Variants in MAP4 observed in about 807,000 individuals in gnomAD.
The protein encoded by MAP4 is microtubule associated protein 4, also known as microtubule-associated protein 4.
MAP4 carries 76 observed loss-of-function variants against 170.2 expected under a neutral mutation model. That is an observed-to-expected ratio of 0.45 (90% confidence interval 0.37 to 0.54). The LOEUF (loss-of-function observed/expected upper bound fraction) is 0.54, where lower values mean the gene tolerates loss of function less well. Among genes scored for constraint, MAP4 ranks in the 20% least tolerant of loss-of-function variants. The pLI, the probability that MAP4 is intolerant of heterozygous loss-of-function variation, is 0.00. For synonymous variants in MAP4, 909 were observed against 994.5 expected, an observed-to-expected ratio of 0.91 and a Z score of 1.62; for missense variants, 2,506 against 2,748.0, an observed-to-expected ratio of 0.91 and a Z score of 1.97.
At chr3:48,001,494 G>A (rs1221402521) in intron 1 of MAP4, among the ~76,000 whole-genome samples, 1 of 152,014 alleles carries the variant, frequency 6.6e-6, no homozygotes, top group Non-Finnish European at 1.5e-5. Context: ...TCAAATTCTA[G>A]GTAGTACCAT....
intron 10 of MAP4, among the ~76,000 whole-genome samples, chr3:47,894,857 C>A (rs2153164799): frequency 6.6e-6 from 1 of 152,040 alleles, no homozygotes; most frequent in East Asian, 1.9e-4. Flanking sequence ...AAAACCCTGT[C>A]TCTACAAAGA....
chr3:47,968,184 C>T (rs1288369017), intron 3 of MAP4, among the ~76,000 whole-genome samples: 7 of 152,082 alleles, frequency 4.6e-5, no homozygotes, highest in Admixed American at 4.6e-4. Flanking sequence ...ACTGCAATAC[C>T]TCACTTTCAC....
rs746009415 is a variant in MAP4 at position 47,910,337 on chromosome 3, T to C, written c.4084A>G (p.Arg1362Gly). ...TTTTTACTTTTTCCATCATTACTCC[T>C]TTTACTTGGTTTGTCAGCCACTGCA... is the stretch of plus-strand genomic sequence containing the variant. ...YTAVADKPSKRSNDGKSKKVK... is the reference protein window; with the variant it reads ...YTAVADKPSKGSNDGKSKKVK... Residue 1362 changes from arginine to glycine, a missense_variant, in exon 9 of 21, where the codon AGG (arginine) becomes GGG (glycine). Around this residue, in one of 3 missense-constraint regions of MAP4, gnomAD observed 2,008 missense variants for 2,206.0 expected, o/e 0.91. Transcript: ENST00000683076. The C allele has an allele frequency of 1.9e-6, 3 of 1,543,210 alleles. No individual in the cohort carries two copies. Among genetic ancestry groups the C allele is most frequent in the African/African-American group, 2.7e-5 (2 of 73,554 alleles).
rs1050879157 is a variant in MAP4, at chr3:47,892,879, C to T, written c.5434+10071G>A. 7 of 1,004,166 alleles carry T rather than the reference C, an allele frequency of 7.0e-6. No homozygotes were observed. The South Asian group carries it at 3.1e-4, about 45-fold the overall frequency. 62.2% of individuals were successfully genotyped at this position (1,004,166 alleles called of 1,614,324 possible). A position where few individuals can be genotyped will look rare whatever the true frequency, so the allele number is the denominator to read the frequency against. On this transcript the variant is annotated intron_variant, in intron 10 of 20. Transcript: ENST00000683076. ...TTTCACTGATATAGATACGTGCATA[C>T]CCACACACTCATTTATCTGATACCA...
At chr3:48,059,316 A>G (rs978777289) in intron 1 of MAP4, among the ~76,000 whole-genome samples, 2 of 151,730 alleles carry the variant, frequency 1.3e-5, no homozygotes, top group African/African-American at 2.4e-5. Context: ...GTGGTTCGAG[A>G]CCACCCTGGG....
rs553925416 is a variant in MAP4, at chr3:48,044,842, G to A, written c.-20+43931C>T. ...TGAGCACCTGTAATCCCAGCTACTCGGGAGGCTGAGGCAGGAGAATTGCTT... is the reference window on the plus strand; with the variant it reads ...TGAGCACCTGTAATCCCAGCTACTCAGGAGGCTGAGGCAGGAGAATTGCTT... On this transcript the variant is annotated intron_variant, in intron 1 of 18. Transcript: ENST00000360240. Among the ~76,000 whole-genome samples, 645 of 152,154 alleles carry A rather than the reference G, an allele frequency of 4.2e-3. 5 individuals carry two copies. Among genetic ancestry groups the A allele is most frequent in the African/African-American group, 0.014 (588 of 41,510 alleles).
At chr3:47,942,622 C>G (rs533994704) in intron 3 of MAP4, among the ~76,000 whole-genome samples, 5 of 152,214 alleles carry the variant, frequency 3.3e-5, no homozygotes, top group Non-Finnish European at 7.4e-5. Context: ...ATACCAGTTA[C>G]TGTTGACATT....
chr3:47,956,891 A>C (rs992588430), intron 3 of MAP4, among the ~76,000 whole-genome samples: 5 of 152,232 alleles, frequency 3.3e-5, no homozygotes, highest in African/African-American at 1.2e-4. Flanking sequence ...AGCTACTGCT[A>C]AATGTCTAAT....
intron 3 of MAP4, among the ~76,000 whole-genome samples, chr3:47,972,865 G>A (rs1289373231): frequency 2.6e-4 from 39 of 149,592 alleles, no homozygotes; most frequent in African/African-American, 9.4e-4. Context: ...CAGCCTGGGC[G>A]ACAGAGCGAG....
At chr3:48,043,316 G>A (rs929290977) in intron 1 of MAP4, among the ~76,000 whole-genome samples, 1 of 152,114 alleles carries the variant, frequency 6.6e-6, no homozygotes, top group Non-Finnish European at 1.5e-5. Flanking sequence ...GGTCAGGCTG[G>A]TCTCGAACTC....
At chr3:48,005,377 G>A (rs910979810) in intron 1 of MAP4, among the ~76,000 whole-genome samples, 1 of 151,798 alleles carries the variant, frequency 6.6e-6, no homozygotes, top group Admixed American at 6.6e-5. Flanking sequence ...AAAAAGAACT[G>A]TTCTCTAATT....
intron 17 of MAP4, among the ~76,000 whole-genome samples, chr3:47,861,778 G>A (rs1275300248): frequency 6.6e-6 from 1 of 152,056 alleles, no homozygotes; most frequent in Non-Finnish European, 1.5e-5. Context: ...AGAATTGATT[G>A]AGCCCAGAAG....
At chr3:48,000,942 A>G (rs2100098807) in intron 1 of MAP4, among the ~76,000 whole-genome samples, 1 of 152,018 alleles carries the variant, frequency 6.6e-6, no homozygotes, top group African/African-American at 2.4e-5. Context: ...GTTCCCACAC[A>G]CTCCTCTCCT....
intron 3 of MAP4, among the ~76,000 whole-genome samples, chr3:47,937,775 C>T (rs1422417324): frequency 6.6e-6 from 1 of 150,520 alleles, no homozygotes; most frequent in Non-Finnish European, 1.5e-5. Flanking sequence ...GATTCTCCTG[C>T]CTCAGCCTCC....
At chr3:47,928,668 A>T (rs916298670) in intron 3 of MAP4, among the ~76,000 whole-genome samples, 1 of 152,118 alleles carries the variant, frequency 6.6e-6, no homozygotes, top group Non-Finnish European at 1.5e-5. Flanking sequence ...TGTCACTAAA[A>T]AAAATTTTAG....
intron 5 of MAP4, among the ~76,000 whole-genome samples, chr3:47,919,579 A>AT (rs2062785625): frequency 6.6e-6 from 1 of 152,122 alleles, no homozygotes; most frequent in Non-Finnish European, 1.5e-5. Flanking sequence ...ACGTGCTGGG[A>AT]TTACAGGTGT....
At chr3:47,959,822 C>T (rs1456080580) in intron 3 of MAP4, among the ~76,000 whole-genome samples, 5 of 151,198 alleles carry the variant, frequency 3.3e-5, no homozygotes, top group African/African-American at 7.3e-5. Context: ...ATAAATGTAG[C>T]GCTGTAAGAT....
At chr3:47,895,232 CCA>C (rs2100026194) in intron 10 of MAP4, among the ~76,000 whole-genome samples, 1 of 152,118 alleles carries the variant, frequency 6.6e-6, no homozygotes, top group South Asian at 2.1e-4. Context: ...AGTCAGAAGG[CCA>C]GATTTTAAAA....
intron 3 of MAP4, among the ~76,000 whole-genome samples, chr3:47,950,050 T>C (rs2100062702): frequency 5.3e-5 from 8 of 152,218 alleles, no homozygotes; most frequent in Admixed American, 3.9e-4. Context: ...AACTTAAAAC[T>C]GCAACAGACT....
Sources: allele counts gnomAD v4.1 joint callset (sites outside exome capture counted in the v4.1 genomes callset), GRCh38; gene constraint gnomAD v4.1.1; regional missense constraint gnomAD v4.1.1; transcripts MANE v1.5; gene names NCBI Gene and HGNC (gene_info 2026-07-23, HGNC 2026-07-21).